Variants in UBE2F observed in about 807,000 individuals in gnomAD.
UBE2F encodes NEDD8-conjugating enzyme UBE2F.
A neutral mutation model predicts 29.6 loss-of-function variants in UBE2F; 5 were observed. The observed-to-expected ratio is 0.17, with a 90% CI of 0.09 to 0.36. UBE2F has a LOEUF of 0.36. UBE2F is among the 10% of genes least tolerant of loss of function. UBE2F has a pLI of 1.00. For missense variants in UBE2F, 141 were observed against 228.5 expected (o/e 0.62, Z 2.47); for synonymous variants, 66 against 81.8 (o/e 0.81, Z 1.04).
At chr2:237,979,295 G>A (rs1229958922) in intron 2 of UBE2F, among the ~76,000 whole-genome samples, 3 of 152,216 alleles carry the variant, frequency 2.0e-5, no homozygotes, top group Non-Finnish European at 4.4e-5. Flanking sequence ...ATCTGCCTGA[G>A]CTTCCCAGTG....
intron 4 of UBE2F, among the ~76,000 whole-genome samples, chr2:237,997,495 T>A (rs975174862): frequency 6.6e-5 from 10 of 152,170 alleles, no homozygotes; most frequent in Non-Finnish European, 1.2e-4. Flanking sequence ...TTAAAAAAAA[T>A]TTTAGAATCC....
chr2:238,007,066 T>C (rs1044312904), intron 4 of UBE2F, among the ~76,000 whole-genome samples: 9 of 150,052 alleles, frequency 6.0e-5, no homozygotes, highest in Non-Finnish European at 1.3e-4. Context: ...GGCTTGTTTC[T>C]AATCTTAGGG....
chr2:237,984,657 A>T (rs1041795358), intron 2 of UBE2F, among the ~76,000 whole-genome samples: 5 of 152,214 alleles, frequency 3.3e-5, no homozygotes, highest in Admixed American at 3.3e-4. Context: ...GGCACAGAGG[A>T]CGTTGCCGGG....
chr2:237,969,495 T>G (rs2063128634), intron 1 of UBE2F, among the ~76,000 whole-genome samples: 1 of 152,204 alleles, frequency 6.6e-6, no homozygotes, highest in Non-Finnish European at 1.5e-5. Context: ...CTTTTATTTT[T>G]CACTCTTTGC....
At chr2:237,987,850 TC>T (rs2063511014) in intron 2 of UBE2F, 112 bp from the exon 3 acceptor site, 2 of 467,826 alleles carry the variant, frequency 4.3e-6, no homozygotes, top group Admixed American at 5.6e-5. Flanking sequence ...ATTCAGTTCA[TC>T]CTTTTTTTTT....
chr2:238,019,576 G>A (rs2064242721), intron 5 of UBE2F, among the ~76,000 whole-genome samples: 1 of 150,990 alleles, frequency 6.6e-6, no homozygotes, highest in African/African-American at 2.4e-5. Flanking sequence ...ATGTTGGTCA[G>A]GCTGGTCTCA....
At chr2:238,011,072 CAGAT>C (rs1235224568) in intron 4 of UBE2F, among the ~76,000 whole-genome samples, 1 of 152,176 alleles carries the variant, frequency 6.6e-6, no homozygotes, top group African/African-American at 2.4e-5. Context: ...ATGATTACAA[CAGAT>C]AACCACAACT....
At chr2:237,969,684 G>A (rs1457931177) in intron 1 of UBE2F, among the ~76,000 whole-genome samples, 1 of 152,146 alleles carries the variant, frequency 6.6e-6, no homozygotes, top group African/African-American at 2.4e-5. Flanking sequence ...GACTTGGCTG[G>A]GAAGGGAGAC....
chr2:238,026,871 A>G (rs567530915), intron 6 of UBE2F, among the ~76,000 whole-genome samples: 2 of 152,362 alleles, frequency 1.3e-5, no homozygotes, highest in African/African-American at 4.8e-5. Context: ...TTTTTAAAAA[A>G]GCATCTTCCC....
At chr2:238,009,260 A>G (rs1042985139) in intron 4 of UBE2F, among the ~76,000 whole-genome samples, 1 of 152,182 alleles carries the variant, frequency 6.6e-6, no homozygotes, top group Admixed American at 6.5e-5. Context: ...TCTGTGAGTT[A>G]TAGTTTTCAT....
intron 5 of UBE2F, among the ~76,000 whole-genome samples, chr2:238,020,393 G>A (rs2064264604): frequency 6.6e-6 from 1 of 152,160 alleles, no homozygotes; most frequent in Non-Finnish European, 1.5e-5. Flanking sequence ...CACACTCTGA[G>A]GGCACCAGGT....
chr2:238,029,981 C>T (rs1021858844), intron 6 of UBE2F, among the ~76,000 whole-genome samples: 1 of 150,760 alleles, frequency 6.6e-6, no homozygotes. Context: ...GGGCCTCACA[C>T]TATTCCCAGG....
Position 237,982,991 on chromosome 2 carries a change from A to G in UBE2F, c.119-4972A>G, listed in dbSNP as rs2063407904. 6.6e-6 allele frequency among the ~76,000 whole-genome samples: 1 copy of G among 152,166 alleles called. No homozygotes were observed. The highest frequency in any genetic ancestry group is 2.4e-5 in the African/African-American group (1 of 41,436). On this transcript the variant is annotated intron_variant, in intron 2 of 9. Coordinates refer to ENST00000272930, the MANE Select transcript of UBE2F (RefSeq NM_080678.3). This position sits in a 1 kb window ranked among gnomAD's most constrained non-coding sequence, Gnocchi z 4.1. ...ACCATCATTATATTTTGTTAAGTAA[A>G]TATATGTATATATTTTATGTTTTTG...
rs1034536216 is a variant in UBE2F, at chr2:237,982,997, G to A, written c.119-4966G>A. Among the ~76,000 whole-genome samples the A allele has an allele frequency of 6.6e-6, 1 of 152,142 alleles. No individual in the cohort carries two copies. Among genetic ancestry groups the A allele is most frequent in the African/African-American group, 2.4e-5 (1 of 41,430 alleles). ...ATTATATTTTGTTAAGTAAATATAT[G>A]TATATATTTTATGTTTTTGTAGTGA... On this transcript the variant is annotated intron_variant, in intron 2 of 9. Coordinates refer to ENST00000272930, the MANE Select transcript of UBE2F (RefSeq NM_080678.3). This position sits in a 1 kb window ranked among gnomAD's most constrained non-coding sequence, Gnocchi z 4.1.
chr2:237,994,380 A>G (rs2063649085), intron 3 of UBE2F, among the ~76,000 whole-genome samples: 1 of 152,072 alleles, frequency 6.6e-6, no homozygotes, highest in South Asian at 2.1e-4. Flanking sequence ...TTTCGTGTTT[A>G]GTTAGCCTTT....
intron 3 of UBE2F, among the ~76,000 whole-genome samples, chr2:237,988,286 A>G (rs2063520780): frequency 6.6e-6 from 1 of 152,034 alleles, no homozygotes; most frequent in South Asian, 2.1e-4. Context: ...TGTCTCTACT[A>G]AAACTACAAA....
At chr2:238,029,983 A>G (rs915760738) in intron 6 of UBE2F, among the ~76,000 whole-genome samples, 3 of 149,408 alleles carry the variant, frequency 2.0e-5, no homozygotes, top group African/African-American at 7.4e-5. Context: ...GCCTCACACT[A>G]TTCCCAGGCT....
intron 4 of UBE2F, among the ~76,000 whole-genome samples, chr2:238,016,319 G>A (rs1357567922): frequency 6.6e-6 from 1 of 152,134 alleles, no homozygotes; most frequent in African/African-American, 2.4e-5. Context: ...TCCCTTCCCT[G>A]AGGGTGTGCT....
intron 3 of UBE2F, among the ~76,000 whole-genome samples, chr2:237,991,122 T>G (rs991977342): frequency 6.6e-6 from 1 of 152,196 alleles, no homozygotes; most frequent in South Asian, 2.1e-4. Context: ...CTCCTAGCCC[T>G]ATAGCTATGG....
Sources: gnomAD v4.1 joint callset for allele counts (sites outside exome capture counted in the v4.1 genomes callset) on GRCh38, gnomAD v4.1.1 for gene constraint, Gnocchi (gnomAD v3.1) non-coding constraint, MANE v1.5 for transcripts, NCBI Gene and HGNC (gene_info 2026-07-23, HGNC 2026-07-21) for gene names.